The following HSD17B13 variants were observed in gnomAD, a reference collection of about 807,000 sequenced individuals.
HSD17B13 encodes the protein 17-beta-hydroxysteroid dehydrogenase 13.
A neutral mutation model predicts 31.1 loss-of-function variants in HSD17B13; 26 were observed. The observed-to-expected ratio is 0.84, with a 90% CI of 0.61 to 1.16. The LOEUF is 1.16. Among genes scored for constraint, HSD17B13 ranks in the 50% most tolerant of loss-of-function variants. The pLI, the probability that HSD17B13 is intolerant of heterozygous loss-of-function variation, is 0.00. For synonymous variants in HSD17B13, 141 were observed against 133.7 expected (o/e 1.05, Z -0.38); for missense variants, 374 against 366.5 (o/e 1.02, Z -0.17).
intron 1 of HSD17B13, among the ~76,000 whole-genome samples, chr4:87,319,433 C>T (rs115945492): frequency 2.6e-5 from 4 of 152,186 alleles, no homozygotes; most frequent in Admixed American, 1.3e-4. Context: ...CATTGCTCTT[C>T]GTGGTGTCAT....
Position 87,313,803 on chromosome 4 carries a change from T to C in HSD17B13, c.695+20A>G, listed in dbSNP as rs1734587187. 3 of 1,607,420 alleles carry C rather than the reference T, an allele frequency of 1.9e-6. No individual in the cohort carries two copies. Among genetic ancestry groups the C allele is most frequent in the Non-Finnish European group, 2.6e-6 (3 of 1,175,740 alleles). On this transcript the variant is annotated intron_variant, in intron 5 of 6. Transcript: ENST00000328546. ...AATTTATCATACCACATACCCATTC[T>C]AACTTGATTTTGACCTTACCTTGTG...
chr4:87,318,485 TG>T, intron 1 of HSD17B13, 49 bp from the exon 2 acceptor site: 1 of 1,498,034 alleles, frequency 6.7e-7, no homozygotes, highest in Non-Finnish European at 9.3e-7. Flanking sequence ...GAGAAGACAT[TG>T]GAGAAGAAAA....
chr4:87,318,363 C>T lies in HSD17B13; in HGVS notation c.284G>A (p.Ser95Asn), dbSNP rs1734704265. The T allele has an allele frequency of 6.2e-7, 1 of 1,613,944 alleles. No individual in the cohort carries two copies. The highest frequency in any genetic ancestry group is 1.3e-5 in the African/African-American group (1 of 74,930). Residue 95 changes from serine (S) to asparagine (N), a missense_variant, in exon 2 of 7, where the codon AGC becomes AAC. Physicochemically the swap from Ser to Asn is conservative, Grantham distance 46. Coordinates refer to ENST00000328546, the MANE Select transcript of HSD17B13 (RefSeq NM_178135.5). ...VTAHAYVVDC[S>N]NREEIYRSLN... The stretch of plus-strand genomic sequence containing the variant: ...AGAGCGATAGATCTCTTCTCTGTTG[C>T]TGCAGTCTACCACATACGCATGCGC...
chr4:87,322,569 A>G (rs1481843683), intron 1 of HSD17B13, 63 bp downstream of exon 1: 1 of 1,258,124 alleles, frequency 7.9e-7, no homozygotes, highest in East Asian at 2.3e-5. Flanking sequence ...TGGTAAGTCA[A>G]ATAATTCTTA....
In HSD17B13 at chr4:87,318,398, T is replaced by C; in HGVS notation, c.249A>G (p.Leu83=). 3 of 1,614,170 alleles carry C rather than the reference T, an allele frequency of 1.9e-6. No homozygotes were observed. Among genetic ancestry groups the C allele is most frequent in the Non-Finnish European group, 8.5e-7 (1 of 1,180,006 alleles). The change falls in exon 2 of 7, where the codon CTA becomes CTG. Residue 83 remains leucine, a synonymous_variant. Coordinates refer to ENST00000328546, the MANE Select transcript of HSD17B13 (RefSeq NM_178135.5). ...VEETAAECRK[L]GVTAHAYVVD... is the part of the protein sequence containing the mutation. ...CCACATACGCATGCGCAGTGACGCCTAGTTTTCGGCACTCAGCTGCAGTTT... is the reference window on the plus strand; with the variant it reads ...CCACATACGCATGCGCAGTGACGCCCAGTTTTCGGCACTCAGCTGCAGTTT...
intron 5 of HSD17B13, 128 bp downstream of exon 5, chr4:87,313,695 T>G: frequency 1.1e-5 from 8 of 726,352 alleles, no homozygotes; most frequent in Non-Finnish European, 1.7e-5. Context: ...AAGATAATAA[T>G]AATAATAAGA....
chr4:87,308,660 A>G (rs1734450718), intron 6 of HSD17B13, among the ~76,000 whole-genome samples: 1 of 150,290 alleles, frequency 6.7e-6, no homozygotes, highest in South Asian at 2.1e-4. Context: ...CAGCCTGGGC[A>G]ACAGAGCGAG....
chr4:87,308,924 G>A (rs1162986558), intron 6 of HSD17B13, among the ~76,000 whole-genome samples: 3 of 82,516 alleles, frequency 3.6e-5, no homozygotes, highest in Admixed American at 2.4e-4. Flanking sequence ...AGAGGCCCAG[G>A]AATCTACCAA....
chr4:87,321,835 A>G (rs980440749), intron 1 of HSD17B13, among the ~76,000 whole-genome samples: 4 of 152,250 alleles, frequency 2.6e-5, no homozygotes, highest in African/African-American at 9.6e-5. Flanking sequence ...TGTAATTTGC[A>G]GAAAATGTGA....
rs869241617 is a variant in HSD17B13 at position 87,317,563 on chromosome 4, CTTTTTTTTTTTT to C, written c.319-352_319-341del. On this transcript the variant is annotated intron_variant, in intron 2 of 6. Coordinates refer to ENST00000328546, the MANE Select transcript of HSD17B13 (RefSeq NM_178135.5). Reference sequence around the variant, plus strand: ...TTTTAAAAATGTGTTTTTCTTTAAACTTTTTTTTTTTTTTTTTTTTTTTTTTTTAGAGATAGG... The same window carrying C: ...TTTTAAAAATGTGTTTTTCTTTAAACTTTTTTTTTTTTTTTTAGAGATAGG... 2.2e-4 allele frequency among the ~76,000 whole-genome samples: 11 copies of C among 49,748 alleles called. No individual in the cohort carries two copies. The South Asian group carries it at 5.3e-3, about 24-fold the overall frequency. 32.6% of individuals were successfully genotyped at this position (49,748 alleles called of 152,430 possible).
At chr4:87,306,703 G>A (rs1206107909) in intron 6 of HSD17B13, among the ~76,000 whole-genome samples, 1 of 151,866 alleles carries the variant, frequency 6.6e-6, no homozygotes, top group Non-Finnish European at 1.5e-5. Context: ...TCAGGAGTTC[G>A]AGACCAGCTT....
At position 87,313,914 on chromosome 4, in the gene HSD17B13, C is replaced by G; in HGVS notation, c.604G>C (p.Glu202Gln). Residue 202 changes from glutamate (E) to glutamine (Q), a missense_variant, in exon 5 of 7, where the codon GAA becomes CAA. Transcript: ENST00000328546. ...AVGFHRGLTSELQALGKTGIK... is the reference protein window; with the variant it reads ...AVGFHRGLTSQLQALGKTGIK... ...CCAGTTTTTCCCAAGGCCTGAAGTTCTGATGTCAGACCTCTGTGAAAGCCA... is the reference window on the plus strand; with the variant it reads ...CCAGTTTTTCCCAAGGCCTGAAGTTGTGATGTCAGACCTCTGTGAAAGCCA... The G allele has an allele frequency of 6.2e-7, 1 of 1,607,374 alleles. No individual in the cohort carries two copies. The highest frequency in any genetic ancestry group is 1.3e-5 in the African/African-American group (1 of 74,312).
intron 6 of HSD17B13, among the ~76,000 whole-genome samples, chr4:87,306,414 T>C (rs1734388885): frequency 6.6e-6 from 1 of 152,190 alleles, no homozygotes; most frequent in Non-Finnish European, 1.5e-5. Flanking sequence ...ACTAAAGTAC[T>C]TGAAAAATAG....
intron 2 of HSD17B13, among the ~76,000 whole-genome samples, chr4:87,317,572 T>TTTTTCTTTTC (rs1734683796): frequency 8.1e-6 from 1 of 123,256 alleles, no homozygotes; most frequent in African/African-American, 3.4e-5. Context: ...ACTTTTTTTT[T>TTTTTCTTTTC]TTTTTTTTTT....
intron 6 of HSD17B13, among the ~76,000 whole-genome samples, chr4:87,306,617 G>C (rs868272044): frequency 2.6e-5 from 4 of 152,010 alleles, no homozygotes; most frequent in African/African-American, 7.2e-5. Flanking sequence ...CAACTGAAAG[G>C]AAGAGAGTGG....
At chr4:87,317,575 T>TTC (rs1479209778) in intron 2 of HSD17B13, among the ~76,000 whole-genome samples, 1 of 127,620 alleles carries the variant, frequency 7.8e-6, no homozygotes, top group African/African-American at 3.1e-5. Flanking sequence ...TTTTTTTTTT[T>TTC]TTTTTTTTTT....
chr4:87,317,291 A>C, intron 2 of HSD17B13, 68 bp from the exon 3 acceptor site: 1 of 1,496,572 alleles, frequency 6.7e-7, no homozygotes, highest in Non-Finnish European at 9.2e-7. Flanking sequence ...GACCAATATA[A>C]TCCAAAGATG....
At chr4:87,315,060 G>A (rs1160432357) in intron 4 of HSD17B13, among the ~76,000 whole-genome samples, 1 of 152,122 alleles carries the variant, frequency 6.6e-6, no homozygotes, top group Non-Finnish European at 1.5e-5. Context: ...GGGAACATAA[G>A]GCCGATTCAT....
At position 87,304,144 on chromosome 4, in the gene HSD17B13, C is replaced by A. The variant is rs1313391379; in HGVS notation, c.*1074G>T. On this transcript the variant is annotated 3_prime_UTR_variant, in exon 7 of 7. Transcript: ENST00000328546. ...CTAACATGGTGAAACCCCGTCTCTA[C>A]AAAAAATACAAAAAATTAGCCGGGT... is the stretch of plus-strand genomic sequence containing the variant. The A allele has an allele frequency of 1.3e-5, 2 of 151,828 alleles. No individual in the cohort carries two copies. The highest frequency in any genetic ancestry group is 2.9e-5 in the Non-Finnish European group (2 of 67,992). The allele number at this position is 151,828 out of a possible 1,614,324, so 9.4% of individuals were successfully genotyped here. A position where few individuals can be genotyped will look rare whatever the true frequency, so the allele number is the denominator to read the frequency against.
Sources: gnomAD v4.1 joint callset for allele counts (sites outside exome capture counted in the v4.1 genomes callset) on GRCh38, gnomAD v4.1.1 for gene constraint, MANE v1.5 for transcripts, NCBI Gene and HGNC (gene_info 2026-07-23, HGNC 2026-07-21) for gene names.